SLC35G6: variants seen among roughly 807,000 people sequenced by gnomAD.
The protein encoded by SLC35G6 is acyl-malonyl condensing enzyme 1-like 3.
A neutral mutation model predicts 20.3 loss-of-function variants in SLC35G6; 18 were observed. The observed-to-expected ratio is 0.88, with a 90% CI of 0.61 to 1.31. SLC35G6 has a LOEUF of 1.31. SLC35G6 is among the 40% of genes most tolerant of loss of function. The pLI is 0.00. For synonymous variants in SLC35G6, 156 were observed against 200.9 expected, an observed-to-expected ratio of 0.78 and a Z score of 1.89; for missense variants, 372 against 433.4, an observed-to-expected ratio of 0.86 and a Z score of 1.26.
intron 1 of SLC35G6, 29 bp from the exon 2 acceptor site, chr17:7,481,959 T>C (rs1247101634): frequency 4.5e-6 from 7 of 1,561,454 alleles, no homozygotes; most frequent in Non-Finnish European, 6.1e-6. Context: ...GCGGCTGCTG[T>C]CTACCCTGAG....
Position 7,482,096 on chromosome 17 carries a change from A to C in SLC35G6, c.112A>C (p.Asn38His). The C allele has an allele frequency of 6.2e-7, 1 of 1,614,116 alleles. No individual in the cohort carries two copies. Among genetic ancestry groups the C allele is most frequent in the African/African-American group, 1.3e-5 (1 of 75,048 alleles). Reference protein sequence around the residue: ...HQCCQPSDATNGLLVALLGGG... With the variant: ...HQCCQPSDATHGLLVALLGGG... ...GTGCTGCCAGCCCTCTGATGCCACCAATGGCCTGCTGGTGGCCCTGCTGGG... is the reference window on the plus strand; with the variant it reads ...GTGCTGCCAGCCCTCTGATGCCACCCATGGCCTGCTGGTGGCCCTGCTGGG... The change falls in exon 2 of 2, where the codon AAT becomes CAT. Residue 38 changes from asparagine (N) to histidine (H), a missense_variant. Physicochemically the swap from Asn to His is moderately conservative, Grantham distance 68. Coordinates refer to ENST00000412468, the MANE Select transcript of SLC35G6 (RefSeq NM_001102614.2).
At chr17:7,481,600 G>T in intron 1 of SLC35G6, 81 bp downstream of exon 1, 1 of 1,051,042 alleles carries the variant, frequency 9.5e-7, no homozygotes, top group Non-Finnish European at 1.3e-6. Flanking sequence ...CTAAAACTTA[G>T]CTGTCTCAGA....
Position 7,483,162 on chromosome 17 carries a change from C to G in SLC35G6, c.*161C>G. 7.4e-7 allele frequency: 1 copy of G among 1,359,954 alleles called. No homozygotes were observed. The highest frequency in any genetic ancestry group is 9.9e-7 in the Non-Finnish European group (1 of 1,010,548). The allele number at this position is 1,359,954 out of a possible 1,614,324, so 84.2% of individuals were successfully genotyped here. ...TGGGGACTTGGTGGAGAGGGACTAC[C>G]TGGAAGACCTGGGGCCAGCCTGGGA... On this transcript the variant is annotated 3_prime_UTR_variant, in exon 2 of 2. Transcript: ENST00000412468.
Position 7,482,187 on chromosome 17 carries a change from C to A in SLC35G6, c.203C>A (p.Pro68His). Residue 68 changes from proline to histidine, a missense_variant, in exon 2 of 2, where the codon CCC becomes CAC. Coordinates refer to ENST00000412468, the MANE Select transcript of SLC35G6 (RefSeq NM_001102614.2). The part of the protein sequence containing the change: ...SHMAYQASNL[P>H]SLELLICRCL... Reference sequence around the variant, plus strand: ...ATGGCTTACCAGGCTTCCAACCTGCCCTCGCTGGAGCTGCTCATCTGTCGA... The same window carrying A: ...ATGGCTTACCAGGCTTCCAACCTGCACTCGCTGGAGCTGCTCATCTGTCGA... 2 of 1,614,060 alleles carry A rather than the reference C, an allele frequency of 1.2e-6. No individual in the cohort carries two copies. The highest frequency in any genetic ancestry group is 8.5e-7 in the Non-Finnish European group (1 of 1,179,920).
Position 7,482,059 on chromosome 17 carries a change from C to T in SLC35G6, c.75C>T (p.Leu25=). 1 of 1,613,852 alleles carries T rather than the reference C, an allele frequency of 6.2e-7. No individual in the cohort carries two copies. Among genetic ancestry groups the T allele is most frequent in the Non-Finnish European group, 8.5e-7 (1 of 1,179,812 alleles). The change falls in exon 2 of 2, where the codon CTC becomes CTT. Residue 25 remains leucine, a synonymous_variant. Transcript: ENST00000412468. ...HPSPPSAPPS[L]RWHQCCQPSD... Reference sequence around the variant, plus strand: ...CGCCGCCCTCCGCTCCACCCAGCCTCCGCTGGCACCAGTGCTGCCAGCCCT... The same window carrying T: ...CGCCGCCCTCCGCTCCACCCAGCCTTCGCTGGCACCAGTGCTGCCAGCCCT...
rs756308799 is a variant in SLC35G6 at position 7,482,306 on chromosome 17, G to A, written c.322G>A (p.Ala108Thr). The change falls in exon 2 of 2, where the codon GCC (alanine) becomes ACC (threonine). Residue 108 changes from alanine (A) to threonine (T), a missense_variant. Ala to Thr is a moderately conservative substitution (Grantham distance 58). Coordinates refer to ENST00000412468, the MANE Select transcript of SLC35G6 (RefSeq NM_001102614.2). ...PDIRGRAYFY[A>T]LLNVLSIGCA... ...CATCCGAGGCCGGGCCTACTTCTAT[G>A]CCCTGCTCAACGTCCTCAGCATTGG... 2 of 1,614,014 alleles carry A rather than the reference G, an allele frequency of 1.2e-6. No individual in the cohort carries two copies. The highest frequency in any genetic ancestry group is 1.7e-6 in the Non-Finnish European group (2 of 1,179,882).
intron 1 of SLC35G6, 28 bp downstream of exon 1, chr17:7,481,547 C>T: frequency 1.3e-6 from 2 of 1,510,948 alleles, no homozygotes; most frequent in Non-Finnish European, 1.8e-6. Context: ...GGGCCTAGTA[C>T]TCCCTCCCTA....
chr17:7,482,150 C>T lies in SLC35G6; in HGVS notation c.166C>T (p.Pro56Ser), dbSNP rs1165561253. 2 of 1,613,980 alleles carry T rather than the reference C, an allele frequency of 1.2e-6. No homozygotes were observed. Among genetic ancestry groups the T allele is most frequent in the African/African-American group, 1.3e-5 (1 of 74,920 alleles). ...GGGCCTGCCTGCTGGCTTCGTGGGC[C>T]CCCTTTCTCATATGGCTTACCAGGC... ...GGGLPAGFVG[P>S]LSHMAYQASN... The change falls in exon 2 of 2, where the codon CCC (proline) becomes TCC (serine). Residue 56 changes from proline to serine, a missense_variant. Pro to Ser is a moderately conservative substitution (Grantham distance 74, BLOSUM62 -1). Transcript: ENST00000412468.
Position 7,483,369 on chromosome 17 carries a change from C to A in SLC35G6, c.*368C>A. 1 of 303,916 alleles carries A rather than the reference C, an allele frequency of 3.3e-6. No individual in the cohort carries two copies. Among genetic ancestry groups the A allele is most frequent in the Non-Finnish European group, 6.2e-6 (1 of 160,196 alleles). 18.8% of individuals were successfully genotyped at this position (303,916 alleles called of 1,614,324 possible). On this transcript the variant is annotated 3_prime_UTR_variant, in exon 2 of 2. Transcript: ENST00000412468. ...CCGGCAAAGACAGAGCCAGCAGCTG[C>A]GGTGGGGGAGGGGAGCGTGCCTCCC...
rs780287189 is a variant in SLC35G6 at position 7,482,108 on chromosome 17, G to C, written c.124G>C (p.Val42Leu). The C allele has an allele frequency of 4.2e-5, 68 of 1,614,058 alleles. No individual in the cohort carries two copies. Among genetic ancestry groups the C allele is most frequent in the Non-Finnish European group, 5.3e-5 (63 of 1,180,030 alleles). ...QPSDATNGLL[V>L]ALLGGGLPAG... ...CTCTGATGCCACCAATGGCCTGCTG[G>C]TGGCCCTGCTGGGTGGGGGCCTGCC... is the stretch of plus-strand genomic sequence containing the variant. The change falls in exon 2 of 2, where the codon GTG becomes CTG. Residue 42 changes from valine to leucine, a missense_variant. Val to Leu is a conservative substitution (Grantham distance 32). Transcript: ENST00000412468.
Position 7,482,057 on chromosome 17 carries a change from C to T in SLC35G6, c.73C>T (p.Leu25Phe), listed in dbSNP as rs201423781. Residue 25 changes from leucine to phenylalanine, a missense_variant, in exon 2 of 2, where the codon CTC (leucine) becomes TTC (phenylalanine). Leu to Phe is a conservative substitution (Grantham distance 22, BLOSUM62 0). Transcript: ENST00000412468. The stretch of plus-strand genomic sequence containing the variant: ...ATCGCCGCCCTCCGCTCCACCCAGC[C>T]TCCGCTGGCACCAGTGCTGCCAGCC... Reference protein sequence around the residue: ...HPSPPSAPPSLRWHQCCQPSD... With the variant: ...HPSPPSAPPSFRWHQCCQPSD... The T allele has an allele frequency of 2.8e-4, 458 of 1,613,812 alleles. 1 individual carries two copies. In the African/African-American group the frequency reaches 5.0e-3, roughly 18 times the overall value.
Position 7,482,706 on chromosome 17 carries a change from T to A in SLC35G6, c.722T>A (p.Leu241Gln). 1 of 1,612,030 alleles carries A rather than the reference T, an allele frequency of 6.2e-7. No individual in the cohort carries two copies. The highest frequency in any genetic ancestry group is 8.5e-7 in the Non-Finnish European group (1 of 1,179,868). Reference protein sequence around the residue: ...LLGSVPGLFVLQPPVLPSDLP... With the variant: ...LLGSVPGLFVQQPPVLPSDLP... ...GGCTCTGTGCCAGGCCTCTTTGTGC[T>A]GCAGCCCCCCGTGTTGCCCAGTGAT... Residue 241 changes from leucine (L) to glutamine (Q), a missense_variant, in exon 2 of 2, where the codon CTG becomes CAG. Coordinates refer to ENST00000412468, the MANE Select transcript of SLC35G6 (RefSeq NM_001102614.2).
Position 7,482,171 on chromosome 17 carries a change from C to G in SLC35G6, c.187C>G (p.Gln63Glu). ...GGGCCCCCTTTCTCATATGGCTTAC[C>G]AGGCTTCCAACCTGCCCTCGCTGGA... ...FVGPLSHMAY[Q>E]ASNLPSLELL... The change falls in exon 2 of 2, where the codon CAG (glutamine) becomes GAG (glutamate). Residue 63 changes from glutamine to glutamate, a missense_variant. Physicochemically the swap from Gln to Glu is conservative, Grantham distance 29. Transcript: ENST00000412468. The G allele has an allele frequency of 6.2e-7, 1 of 1,614,114 alleles. No homozygotes were observed. Among genetic ancestry groups the G allele is most frequent in the Non-Finnish European group, 8.5e-7 (1 of 1,179,980 alleles).
rs2150871364 is a variant in SLC35G6, at chr17:7,483,333, G to A, written c.*332G>A. 7.3e-6 allele frequency: 3 copies of A among 412,854 alleles called. No individual in the cohort carries two copies. The highest frequency in any genetic ancestry group is 5.3e-5 in the South Asian group (2 of 37,956). 25.6% of individuals were successfully genotyped at this position (412,854 alleles called of 1,614,324 possible). A position where few individuals can be genotyped will look rare whatever the true frequency, so the allele number is the denominator to read the frequency against. ...CAGCAGCAAAGAGAAGAGCATTGGG[G>A]CTGGAGTGTTCCGGCAAAGACAGAG... On this transcript the variant is annotated 3_prime_UTR_variant, in exon 2 of 2. Coordinates refer to ENST00000412468, the MANE Select transcript of SLC35G6 (RefSeq NM_001102614.2).
Position 7,482,673 on chromosome 17 carries a change from G to A in SLC35G6, c.689G>A (p.Gly230Glu). 6.2e-7 allele frequency: 1 copy of A among 1,612,012 alleles called. No homozygotes were observed. The highest frequency in any genetic ancestry group is 8.5e-7 in the Non-Finnish European group (1 of 1,179,868). Residue 230 changes from glycine to glutamate, a missense_variant, in exon 2 of 2, where the codon GGG becomes GAG. Physicochemically the swap from Gly to Glu is moderately conservative, Grantham distance 98 (BLOSUM62 -2). Transcript: ENST00000412468. ...PTVAFLSGLV[G>E]LLGSVPGLFV... ...GTGGCCTTCCTATCTGGCTTGGTGGGGCTGCTGGGCTCTGTGCCAGGCCTC... is the reference window on the plus strand; with the variant it reads ...GTGGCCTTCCTATCTGGCTTGGTGGAGCTGCTGGGCTCTGTGCCAGGCCTC...
Position 7,482,278 on chromosome 17 carries a change from T to C in SLC35G6, c.294T>C (p.Pro98=). Residue 98 remains proline (P), a synonymous_variant, in exon 2 of 2, where the codon CCT becomes CCC. Coordinates refer to ENST00000412468, the MANE Select transcript of SLC35G6 (RefSeq NM_001102614.2). ...GTGGCGACCCCCTTCTGGGACCTCC[T>C]GACATCCGAGGCCGGGCCTACTTCT... ...KLRGDPLLGP[P]DIRGRAYFYA... 1 of 1,614,042 alleles carries C rather than the reference T, an allele frequency of 6.2e-7. No homozygotes were observed. Among genetic ancestry groups the C allele is most frequent in the East Asian group, 2.2e-5 (1 of 44,890 alleles).
Position 7,482,709 on chromosome 17 carries a change from A to T in SLC35G6, c.725A>T (p.Gln242Leu). The T allele has an allele frequency of 6.2e-7, 1 of 1,612,000 alleles. No homozygotes were observed. ...TCTGTGCCAGGCCTCTTTGTGCTGC[A>T]GCCCCCCGTGTTGCCCAGTGATCTC... is the stretch of plus-strand genomic sequence containing the variant. ...LGSVPGLFVL[Q>L]PPVLPSDLPS... Residue 242 changes from glutamine to leucine, a missense_variant, in exon 2 of 2, where the codon CAG becomes CTG. By Grantham distance (113) the Gln-to-Leu change is moderately radical. Coordinates refer to ENST00000412468, the MANE Select transcript of SLC35G6 (RefSeq NM_001102614.2).
rs2070365603 is a variant in SLC35G6 at position 7,482,901 on chromosome 17, C to T, written c.917C>T (p.Ala306Val). The T allele has an allele frequency of 6.2e-7, 1 of 1,612,004 alleles. No individual in the cohort carries two copies. The highest frequency in any genetic ancestry group is 1.1e-5 in the South Asian group (1 of 90,990). The change falls in exon 2 of 2, where the codon GCA becomes GTA. Residue 306 changes from alanine (A) to valine (V), a missense_variant. Coordinates refer to ENST00000412468, the MANE Select transcript of SLC35G6 (RefSeq NM_001102614.2). ...LQYYMLHETV[A>V]PSDIVGAGVV... Reference sequence around the variant, plus strand: ...TATTATATGCTCCATGAGACTGTGGCACCTTCTGACATCGTGGGGGCAGGG... The same window carrying T: ...TATTATATGCTCCATGAGACTGTGGTACCTTCTGACATCGTGGGGGCAGGG...
At position 7,481,506 on chromosome 17, in the gene SLC35G6, TC is replaced by T. The variant is rs1274261860; in HGVS notation, c.-9del. ...CCTGAGCCAGGAGGAGAGGAGAAAG[TC>T]CAAGGAAAGATGGTGAGTGTGGGGG... On this transcript the variant is annotated 5_prime_UTR_variant, in exon 1 of 2. Coordinates refer to ENST00000412468, the MANE Select transcript of SLC35G6 (RefSeq NM_001102614.2). 1 of 1,558,048 alleles carries T rather than the reference TC, an allele frequency of 6.4e-7. No homozygotes were observed. Among genetic ancestry groups the T allele is most frequent in the South Asian group, 1.2e-5 (1 of 82,846 alleles).
Sources: gnomAD v4.1 joint callset for allele counts on GRCh38, gnomAD v4.1.1 for gene constraint, MANE v1.5 for transcripts, NCBI Gene and HGNC (gene_info 2026-07-23, HGNC 2026-07-21) for gene names.